The following HDAC4 variants were observed in gnomAD, a reference collection of about 807,000 sequenced individuals.
HDAC4 encodes histone deacetylase 4, also known as histone deacetylase A.
Under a neutral mutation model 135.1 loss-of-function variants are expected in HDAC4, and 16 were observed. That is an observed-to-expected ratio of 0.12 (90% CI 0.08 to 0.18). The LOEUF (loss-of-function observed/expected upper bound fraction) is 0.18. Among genes scored for constraint, HDAC4 ranks in the 10% least tolerant of loss-of-function variants. HDAC4 has a pLI of 1.00. For missense variants in HDAC4, 1,143 were observed against 1,511.8 expected, an observed-to-expected ratio of 0.76 and a Z score of 4.05; for synonymous variants, 685 against 653.4, an observed-to-expected ratio of 1.05 and a Z score of -0.74.
At chr2:239,060,074 G>GAAAC in intron 24 of HDAC4, among the ~76,000 whole-genome samples, 1 of 152,352 alleles carries the variant, frequency 6.6e-6, no homozygotes, top group East Asian at 1.9e-4. Context: ...TCCGCCGGTG[G>GAAAC]AAACAGGGCA....
At chr2:239,220,220 A>C (rs1198932413) in intron 3 of HDAC4, among the ~76,000 whole-genome samples, 1 of 152,220 alleles carries the variant, frequency 6.6e-6, no homozygotes, top group African/African-American at 2.4e-5. Context: ...TTTCTCTTAA[A>C]CGCTTCAAAT....
intron 5 of HDAC4, among the ~76,000 whole-genome samples, chr2:239,168,754 CAG>C (rs2043270253): frequency 1.3e-5 from 2 of 152,228 alleles, no homozygotes; most frequent in African/African-American, 4.8e-5. Context: ...GCGTCCACCA[CAG>C]GGGCCTGCGG....
chr2:239,318,349 A>G lies in HDAC4; in HGVS notation c.22+34329T>C, dbSNP rs1405830495. Reference sequence around the variant, plus strand: ...ATGCCGAAATCCCAAGCTGAAAAACATTTTACAAAATAGCTGCCCCTACGC... The same window carrying G: ...ATGCCGAAATCCCAAGCTGAAAAACGTTTTACAAAATAGCTGCCCCTACGC... On this transcript the variant is annotated intron_variant, in intron 2 of 26. Transcript: ENST00000543185. 2.0e-5 allele frequency among the ~76,000 whole-genome samples: 3 copies of G among 152,230 alleles called. No individual in the cohort carries two copies. The East Asian group carries it at 5.8e-4, about 29-fold the overall frequency.
At chr2:239,320,163 A>T (rs1213463843) in intron 2 of HDAC4, among the ~76,000 whole-genome samples, 1 of 152,170 alleles carries the variant, frequency 6.6e-6, no homozygotes, top group South Asian at 2.1e-4. Flanking sequence ...CAGGCGGATC[A>T]CCTGAGGTCA....
Position 239,066,708 on chromosome 2 carries a change from T to G in HDAC4, c.3003+14A>C, listed in dbSNP as rs2033538324. The G allele has an allele frequency of 6.2e-7, 1 of 1,613,472 alleles. No individual in the cohort carries two copies. The highest frequency in any genetic ancestry group is 8.5e-7 in the Non-Finnish European group (1 of 1,180,006). On this transcript the variant is annotated intron_variant, in intron 24 of 26. Transcript: ENST00000543185. Reference sequence around the variant, plus strand: ...AGTGTGGAGCATCCTGTGGGGTCTCTGGGGTCTTCCTACCTCGTTTCCCAG... The same window carrying G: ...AGTGTGGAGCATCCTGTGGGGTCTCGGGGGTCTTCCTACCTCGTTTCCCAG...
intron 2 of HDAC4, among the ~76,000 whole-genome samples, chr2:239,239,821 T>G (rs1192563417): frequency 6.6e-6 from 1 of 152,202 alleles, no homozygotes; most frequent in Non-Finnish European, 1.5e-5. Flanking sequence ...AGTGCCTGCC[T>G]CTCGCGGAAC....
chr2:239,051,884 TA>T lies in HDAC4; in HGVS notation c.*1212del, dbSNP rs1447260423. 6.6e-6 allele frequency: 1 copy of T among 151,482 alleles called. No individual in the cohort carries two copies. Among genetic ancestry groups the T allele is most frequent in the Non-Finnish European group, 1.5e-5 (1 of 67,926 alleles). The allele number at this position is 151,482 out of a possible 1,614,324, so 9.4% of individuals were successfully genotyped here. A position where few individuals can be genotyped will look rare whatever the true frequency, so the allele number is the denominator to read the frequency against. ...ATATACTTTTTCTATAAATGCATTATAAATATTTTATCAAGATTTCATAAGA... is the reference window on the plus strand; with the variant it reads ...ATATACTTTTTCTATAAATGCATTATAATATTTTATCAAGATTTCATAAGA... On this transcript the variant is annotated 3_prime_UTR_variant, in exon 27 of 27. Transcript: ENST00000543185.
intron 2 of HDAC4, among the ~76,000 whole-genome samples, chr2:239,263,269 C>T (rs1384481104): frequency 1.4e-5 from 2 of 139,144 alleles, no homozygotes; most frequent in African/African-American, 2.7e-5. Context: ...TGAGGACCCC[C>T]GCCCAGCCCA....
At chr2:239,124,701 A>G (rs1418397262) in intron 12 of HDAC4, among the ~76,000 whole-genome samples, 37 of 91,890 alleles carry the variant, frequency 4.0e-4, no homozygotes, top group African/African-American at 1.6e-3. Flanking sequence ...ATGACATTCC[A>G]TGTTATGTGA....
intron 8 of HDAC4, chr2:239,140,872 A>G (rs2041318807): frequency 2.3e-6 from 1 of 434,100 alleles, no homozygotes; most frequent in African/African-American, 2.1e-5. Flanking sequence ...ACTCATGCTG[A>G]CTCACGTGGT....
intron 3 of HDAC4, among the ~76,000 whole-genome samples, chr2:239,227,440 G>A (rs1002285721): frequency 2.0e-5 from 3 of 152,192 alleles, no homozygotes; most frequent in Admixed American, 6.5e-5. Flanking sequence ...AAGTGGGACC[G>A]GGCAGCCCCC....
In HDAC4 at chr2:239,367,489, G is replaced by C. The variant is rs1020574240; in HGVS notation, c.-219-14571C>G. On this transcript the variant is annotated intron_variant, in intron 1 of 26. Coordinates refer to ENST00000543185, the MANE Select transcript of HDAC4 (RefSeq NM_001378414.1). ...TCTAATACAATAAATACCAATACAGGTTGAGCATCCCTAATCTAAGAATCC... is the reference window on the plus strand; with the variant it reads ...TCTAATACAATAAATACCAATACAGCTTGAGCATCCCTAATCTAAGAATCC... Among the ~76,000 whole-genome samples the C allele has an allele frequency of 6.6e-5, 10 of 152,142 alleles. 1 individual carries two copies. The highest frequency in any genetic ancestry group is 2.2e-4 in the African/African-American group (9 of 41,414).
intron 2 of HDAC4, among the ~76,000 whole-genome samples, chr2:239,275,073 C>T (rs376899637): frequency 7.9e-5 from 12 of 152,252 alleles, no homozygotes; most frequent in Non-Finnish European, 1.3e-4. Context: ...CAGGATTACA[C>T]GTAGGAAGCC....
intron 2 of HDAC4, among the ~76,000 whole-genome samples, chr2:239,300,164 C>T (rs894954760): frequency 1.3e-5 from 2 of 152,128 alleles, no homozygotes; most frequent in African/African-American, 4.8e-5. Flanking sequence ...CCAGGCTGTG[C>T]GCTGTGAACC....
chr2:239,306,941 G>A lies in HDAC4; in HGVS notation c.22+45737C>T, dbSNP rs1005345873. ...CTCCCGTGTGCACCTCCCCAAGGGCGCCTGCACCCTGGGCCCAGGGTAACC... is the reference window on the plus strand; with the variant it reads ...CTCCCGTGTGCACCTCCCCAAGGGCACCTGCACCCTGGGCCCAGGGTAACC... On this transcript the variant is annotated intron_variant, in intron 2 of 26. Coordinates refer to ENST00000543185, the MANE Select transcript of HDAC4 (RefSeq NM_001378414.1). This position sits in a 1 kb window ranked among gnomAD's most constrained non-coding sequence, Gnocchi z 4.5. 6.6e-6 allele frequency among the ~76,000 whole-genome samples: 1 copy of A among 151,842 alleles called. No homozygotes were observed. The highest frequency in any genetic ancestry group is 1.5e-5 in the Non-Finnish European group (1 of 67,910).
intron 2 of HDAC4, among the ~76,000 whole-genome samples, chr2:239,317,579 A>G (rs1397143091): frequency 6.6e-6 from 1 of 152,240 alleles, no homozygotes; most frequent in African/African-American, 2.4e-5. Context: ...CAATTTGGGC[A>G]GCAGAATAGA....
At chr2:239,150,186 T>C (rs908631041) in intron 7 of HDAC4, among the ~76,000 whole-genome samples, 3 of 152,056 alleles carry the variant, frequency 2.0e-5, no homozygotes, top group Admixed American at 6.5e-5. Context: ...ACAACTCAGA[T>C]ACATACAGAA....
At chr2:239,384,288 CCT>C (rs10551133) in intron 1 of HDAC4, among the ~76,000 whole-genome samples, 1 of 152,012 alleles carries the variant, frequency 6.6e-6, no homozygotes, top group Non-Finnish European at 1.5e-5. Flanking sequence ...TATTTTAGTA[CCT>C]CTCTCTATCA....
intron 19 of HDAC4, 109 bp from the exon 20 acceptor site, chr2:239,084,351 G>T (rs767717016): frequency 3.2e-5 from 24 of 753,764 alleles, no homozygotes; most frequent in Non-Finnish European, 5.2e-5. Flanking sequence ...AGAGGTCTCT[G>T]TGAGTGCAGA....
Sources: allele counts gnomAD v4.1 joint callset (sites outside exome capture counted in the v4.1 genomes callset), GRCh38; gene constraint gnomAD v4.1.1; non-coding constraint Gnocchi (gnomAD v3.1); transcripts MANE v1.5; gene names NCBI Gene and HGNC (gene_info 2026-07-23, HGNC 2026-07-21).